MTMR7: variants seen among roughly 807,000 people sequenced by gnomAD.
The protein encoded by MTMR7 is myotubularin related protein 7.
A neutral mutation model predicts 81.2 loss-of-function variants in MTMR7; 76 were observed. The observed-to-expected ratio is 0.94, with a 90% CI of 0.78 to 1.13. The LOEUF is 1.13. Among genes scored for constraint, MTMR7 ranks in the 50% most tolerant of loss-of-function variants. MTMR7 has a pLI of 0.00. For missense variants in MTMR7, 1,044 were observed against 820.0 expected (o/e 1.27, Z -3.34); for synonymous variants, 372 against 289.8 (o/e 1.28, Z -2.88).
At chr8:17,332,246 C>G (rs921266282) in intron 6 of MTMR7, among the ~76,000 whole-genome samples, 2 of 152,158 alleles carry the variant, frequency 1.3e-5, no homozygotes, top group East Asian at 1.9e-4. Context: ...CTTTTAAAAG[C>G]ACAGTGCACA....
chr8:17,358,026 G>C (rs578176892), intron 4 of MTMR7, among the ~76,000 whole-genome samples: 2 of 151,952 alleles, frequency 1.3e-5, no homozygotes, highest in South Asian at 4.1e-4. Context: ...CAAATACAGG[G>C]AAAAACCATC....
At chr8:17,407,266 G>A (rs1211194609) in intron 1 of MTMR7, among the ~76,000 whole-genome samples, 4 of 150,350 alleles carry the variant, frequency 2.7e-5, no homozygotes, top group Non-Finnish European at 5.9e-5. Flanking sequence ...AACCTCGCTG[G>A]TAAAAAAAAA....
At chr8:17,331,386 T>G (rs7841726) in intron 6 of MTMR7, 104 bp from the exon 7 acceptor site, 212,163 of 1,237,814 alleles carry the variant, frequency 0.17, 20,985 homozygotes, top group Non-Finnish European at 0.2. Flanking sequence ...TTCAGAATGA[T>G]GTACGGAAAC....
At chr8:17,309,688 C>G (rs1278590422) in intron 9 of MTMR7, among the ~76,000 whole-genome samples, 1 of 152,144 alleles carries the variant, frequency 6.6e-6, no homozygotes, top group Non-Finnish European at 1.5e-5. Context: ...TCATATTCGC[C>G]CAAGATCATG....
chr8:17,325,160 A>G (rs1390670302), intron 7 of MTMR7, among the ~76,000 whole-genome samples: 1 of 152,016 alleles, frequency 6.6e-6, no homozygotes, highest in African/African-American at 2.4e-5. Context: ...AGCAGAGAGA[A>G]CTATTTCAGA....
Position 17,383,068 on chromosome 8 carries a change from G to A in MTMR7, c.25-9828C>T, listed in dbSNP as rs114735999. Among the ~76,000 whole-genome samples, 870 of 151,898 alleles carry A rather than the reference G, an allele frequency of 5.7e-3. 6 individuals are homozygous for A. The highest frequency in any genetic ancestry group is 0.02 in the African/African-American group (822 of 41,424). Reference sequence around the variant, plus strand: ...CAGGGCCTGTTGGCAGCTCAGATAAGACACATCCACCACCTGGGGGGTGTG... The same window carrying A: ...CAGGGCCTGTTGGCAGCTCAGATAAAACACATCCACCACCTGGGGGGTGTG... On this transcript the variant is annotated intron_variant, in intron 1 of 13. Transcript: ENST00000180173.
At chr8:17,318,190 T>C (rs55830143) in intron 7 of MTMR7, among the ~76,000 whole-genome samples, 10,900 of 152,150 alleles carry the variant, frequency 0.072, 409 homozygotes, top group African/African-American at 0.088. Context: ...CACACATGTT[T>C]GGGATCCGAA....
At chr8:17,404,786 T>A (rs554106412) in intron 1 of MTMR7, among the ~76,000 whole-genome samples, 63 of 152,120 alleles carry the variant, frequency 4.1e-4, no homozygotes, top group African/African-American at 1.3e-3. Flanking sequence ...GTTTATCAGG[T>A]TTTTTTGTTG....
At chr8:17,389,381 C>A (rs1410315599) in intron 1 of MTMR7, among the ~76,000 whole-genome samples, 1 of 152,166 alleles carries the variant, frequency 6.6e-6, no homozygotes, top group Non-Finnish European at 1.5e-5. Flanking sequence ...ATGAACAATG[C>A]TAGGCAAACA....
Position 17,305,750 on chromosome 8 carries a change from C to G in MTMR7, c.1352+7G>C. On this transcript the variant is annotated splice_region_variant and intron_variant, in intron 11 of 13. Coordinates refer to ENST00000180173, the MANE Select transcript of MTMR7 (RefSeq NM_004686.5). ...AAGTTAAACACCAAAAACACCAAAA[C>G]ACTTACTTGAGTTCTCGTCTCTCCT... 6.2e-7 allele frequency: 1 copy of G among 1,600,168 alleles called. No homozygotes were observed. Among genetic ancestry groups the G allele is most frequent in the Non-Finnish European group, 8.6e-7 (1 of 1,169,254 alleles).
intron 1 of MTMR7, among the ~76,000 whole-genome samples, chr8:17,395,008 C>G (rs944091923): frequency 1.3e-5 from 2 of 152,078 alleles, no homozygotes; most frequent in African/African-American, 4.8e-5. Context: ...TAACCATCAC[C>G]ACTATCAATT....
chr8:17,370,921 G>C (rs1820398128), intron 3 of MTMR7, 116 bp downstream of exon 3: 1 of 1,084,914 alleles, frequency 9.2e-7, no homozygotes, highest in Admixed American at 2.5e-5. Flanking sequence ...CTGAGAACGA[G>C]ACTGACACAT....
chr8:17,379,588 A>G (rs1284235552), intron 1 of MTMR7, among the ~76,000 whole-genome samples: 1 of 152,184 alleles, frequency 6.6e-6, no homozygotes, highest in Non-Finnish European at 1.5e-5. Flanking sequence ...CAATCCTAAC[A>G]AACTTTCGCC....
intron 4 of MTMR7, among the ~76,000 whole-genome samples, chr8:17,357,638 G>A (rs918568853): frequency 5.3e-5 from 8 of 152,196 alleles, no homozygotes; most frequent in African/African-American, 1.7e-4. Context: ...ACTCAAAGTC[G>A]CAGTTTCCAA....
At chr8:17,319,168 A>C (rs1275280317) in intron 7 of MTMR7, among the ~76,000 whole-genome samples, 1 of 152,228 alleles carries the variant, frequency 6.6e-6, no homozygotes, top group Non-Finnish European at 1.5e-5. Context: ...AGGCAGACAC[A>C]GCTGCACTCA....
rs183670555 is a variant in MTMR7, at chr8:17,380,276, T to A, written c.25-7036A>T. ...AATCACCAAATAACAATAAAAACAA[T>A]AACAAATATTTTTTGATATTCGACA... On this transcript the variant is annotated intron_variant, in intron 1 of 13. Coordinates refer to ENST00000180173, the MANE Select transcript of MTMR7 (RefSeq NM_004686.5). Among the ~76,000 whole-genome samples, 6 of 152,238 alleles carry A rather than the reference T, an allele frequency of 3.9e-5. No individual in the cohort carries two copies. In the East Asian group the frequency reaches 1.2e-3, roughly 29 times the overall value.
intron 1 of MTMR7, among the ~76,000 whole-genome samples, chr8:17,376,037 G>T (rs561737358): frequency 6.6e-6 from 1 of 151,950 alleles, no homozygotes; most frequent in African/African-American, 2.4e-5. Flanking sequence ...TTTCATCACC[G>T]CAAAAAGAAA....
chr8:17,396,821 G>A (rs548904167), intron 1 of MTMR7, among the ~76,000 whole-genome samples: 49 of 151,860 alleles, frequency 3.2e-4, no homozygotes, highest in African/African-American at 1.1e-3. Flanking sequence ...CCTTCCTTCT[G>A]CTTGAGGAGA....
intron 1 of MTMR7, among the ~76,000 whole-genome samples, chr8:17,383,298 T>C (rs73666132): frequency 0.021 from 3,216 of 152,230 alleles, 123 homozygotes; most frequent in African/African-American, 0.072. Context: ...CTTTTAACCC[T>C]TCCCTCAAGC....
Sources: allele counts gnomAD v4.1 joint callset (sites outside exome capture counted in the v4.1 genomes callset), GRCh38; gene constraint gnomAD v4.1.1; transcripts MANE v1.5; gene names NCBI Gene and HGNC (gene_info 2026-07-23, HGNC 2026-07-21).